EEA1: variants seen among roughly 807,000 people sequenced by gnomAD.
EEA1 encodes early endosome antigen 1, 162kD.
EEA1 carries 111 observed loss-of-function variants against 209.2 expected under a neutral mutation model. That is an observed-to-expected ratio of 0.53 (90% CI 0.45 to 0.62). EEA1 has a LOEUF of 0.62. EEA1 is among the 20% of genes least tolerant of loss of function. EEA1 has a pLI of 0.00. For missense variants in EEA1, 1,343 were observed against 1,530.8 expected (o/e 0.88, Z 2.05); for synonymous variants, 536 against 540.6 (o/e 0.99, Z 0.12).
chr12:92,866,087 G>A (rs1025134369), intron 2 of EEA1, among the ~76,000 whole-genome samples: 1 of 150,712 alleles, frequency 6.6e-6, no homozygotes, highest in African/African-American at 2.4e-5. Flanking sequence ...AGCTACTCAG[G>A]AGGCTGAAGT....
intron 3 of EEA1, among the ~76,000 whole-genome samples, chr12:92,863,776 T>C (rs903633985): frequency 6.6e-6 from 1 of 152,154 alleles, no homozygotes; most frequent in African/African-American, 2.4e-5. Context: ...CAGAGAATGG[T>C]AGGGCAGAAG....
chr12:92,900,050 T>C (rs1880083184), intron 1 of EEA1, among the ~76,000 whole-genome samples: 1 of 152,178 alleles, frequency 6.6e-6, no homozygotes, highest in South Asian at 2.1e-4. Context: ...ATTCCTAAAG[T>C]CTGTCACTGA....
intron 15 of EEA1, among the ~76,000 whole-genome samples, chr12:92,813,386 G>C (rs1387883028): frequency 6.6e-6 from 1 of 151,888 alleles, no homozygotes; most frequent in Non-Finnish European, 1.5e-5. Flanking sequence ...TCCAAAAAAG[G>C]CCACTGTATT....
At position 92,852,194 on chromosome 12, in the gene EEA1, T is replaced by C; in HGVS notation, c.623A>G (p.Gln208Arg). The change falls in exon 8 of 29, where the codon CAA (glutamine) becomes CGA (arginine). Residue 208 changes from glutamine to arginine, a missense_variant. Physicochemically the swap from Gln to Arg is conservative, Grantham distance 43. Transcript: ENST00000322349. ...AATTACCAGTTCCGTCTTCAGATCT[T>C]GAATTACAGTTGCCTCTTTGTTTAA... ...EELNKEATVIQDLKTELLQRP... is the reference protein window; with the variant it reads ...EELNKEATVIRDLKTELLQRP... The C allele has an allele frequency of 6.3e-7, 1 of 1,585,632 alleles. No individual in the cohort carries two copies. The highest frequency in any genetic ancestry group is 8.6e-7 in the Non-Finnish European group (1 of 1,168,240).
intron 1 of EEA1, among the ~76,000 whole-genome samples, chr12:92,897,931 T>G (rs1879960922): frequency 6.6e-6 from 1 of 152,246 alleles, no homozygotes; most frequent in African/African-American, 2.4e-5. Context: ...GCACACTTAA[T>G]AGACTACAGT....
At position 92,850,646 on chromosome 12, in the gene EEA1, C is replaced by T. The variant is rs184506728; in HGVS notation, c.798+465G>A. ...TGGATGTTGCAGTGAGCTGAGATCA[C>T]GCCACTGCACTCCAGCCTGGGTGAC... On this transcript the variant is annotated intron_variant, in intron 9 of 28. Coordinates refer to ENST00000322349, the MANE Select transcript of EEA1 (RefSeq NM_003566.4). Among the ~76,000 whole-genome samples the T allele has an allele frequency of 3.9e-3, 502 of 128,560 alleles. 8 individuals are homozygous for T. In the East Asian group the frequency reaches 0.077, roughly 20 times the overall value. The allele number at this position is 128,560 out of a possible 152,430, so 84.3% of individuals were successfully genotyped here.
Position 92,776,011 on chromosome 12 carries a change from T to C in EEA1, c.4236A>G (p.Ter1412=), listed in dbSNP as rs765463406. The C allele has an allele frequency of 4.3e-6, 7 of 1,610,184 alleles. No individual in the cohort carries two copies. In the African/African-American group the frequency reaches 5.4e-5, roughly 12 times the overall value. ...ATTACTCTGAAGTTGTGATAACCCA[T>C]TATCCTTGCAAGTCATTGAAACATG... ...CDACFNDLQG[*] The change falls in exon 29 of 29, where the codon TAA becomes TAG. Residue 1412 remains the stop codon, a stop_retained_variant. Coordinates refer to ENST00000322349, the MANE Select transcript of EEA1 (RefSeq NM_003566.4).
chr12:92,855,431 C>CAAAAAAA (rs56959398), intron 5 of EEA1, among the ~76,000 whole-genome samples: 1 of 96,184 alleles, frequency 1.0e-5, no homozygotes, highest in African/African-American at 3.9e-5. Flanking sequence ...GACTCTGTCT[C>CAAAAAAA]AAAAAAAAAA....
At chr12:92,817,829 C>G (rs1429025606) in intron 14 of EEA1, among the ~76,000 whole-genome samples, 1 of 152,110 alleles carries the variant, frequency 6.6e-6, no homozygotes, top group Non-Finnish European at 1.5e-5. Context: ...TTTTACACTT[C>G]GTAAGGTCAG....
chr12:92,899,897 T>C (rs527736322), intron 1 of EEA1, among the ~76,000 whole-genome samples: 12 of 152,318 alleles, frequency 7.9e-5, no homozygotes, highest in African/African-American at 2.9e-4. Flanking sequence ...CTTGGGTGTC[T>C]CCTCCAATGG....
At chr12:92,855,226 G>A (rs578111304) in intron 5 of EEA1, among the ~76,000 whole-genome samples, 3 of 152,248 alleles carry the variant, frequency 2.0e-5, no homozygotes, top group East Asian at 3.9e-4. Context: ...TCAGGAGATC[G>A]AGACCATCCT....
intron 1 of EEA1, among the ~76,000 whole-genome samples, chr12:92,915,493 A>C (rs1014325961): frequency 6.6e-6 from 1 of 151,994 alleles, no homozygotes; most frequent in Admixed American, 6.6e-5. Context: ...AACAAAACAA[A>C]AACAAAAAAA....
intron 21 of EEA1, among the ~76,000 whole-genome samples, chr12:92,791,836 C>T (rs1565809822): frequency 6.6e-6 from 1 of 152,202 alleles, no homozygotes; most frequent in African/African-American, 2.4e-5. Flanking sequence ...CTCAGCACCA[C>T]ATCACACTTA....
intron 1 of EEA1, among the ~76,000 whole-genome samples, chr12:92,911,937 G>A (rs1368941520): frequency 6.6e-6 from 1 of 152,208 alleles, no homozygotes; most frequent in Non-Finnish European, 1.5e-5. Context: ...AGTAATCAAT[G>A]AAAAACAATT....
chr12:92,779,723 CA>C (rs1419043634), intron 24 of EEA1, among the ~76,000 whole-genome samples: 183 of 152,004 alleles, frequency 1.2e-3, no homozygotes, highest in African/African-American at 4.2e-3. Context: ...AATTATAAAC[CA>C]AAATGAAAGT....
At chr12:92,779,086 A>G (rs1025834649) in intron 25 of EEA1, 29 bp downstream of exon 25, 2 of 1,572,836 alleles carry the variant, frequency 1.3e-6, no homozygotes, top group Non-Finnish European at 1.7e-6. Context: ...TCTACTGCAA[A>G]ACACACTTCC....
intron 2 of EEA1, among the ~76,000 whole-genome samples, chr12:92,878,618 C>G (rs1176892150): frequency 6.6e-6 from 1 of 151,800 alleles, no homozygotes; most frequent in African/African-American, 2.4e-5. Context: ...AAACTAAATC[C>G]AAAGTAAGTA....
At chr12:92,783,916 TA>T (rs59393966) in intron 22 of EEA1, among the ~76,000 whole-genome samples, 4,085 of 143,104 alleles carry the variant, frequency 0.029, 185 homozygotes, top group African/African-American at 0.093. Context: ...AAGTACTCAG[TA>T]AAAAAAAAAA....
intron 7 of EEA1, 117 bp downstream of exon 7, chr12:92,852,795 T>C: frequency 1.5e-6 from 1 of 651,012 alleles, no homozygotes; most frequent in Non-Finnish European, 2.6e-6. Flanking sequence ...TAATCACCAT[T>C]GGAAGTCTAT....
Sources: allele counts gnomAD v4.1 joint callset (sites outside exome capture counted in the v4.1 genomes callset), GRCh38; gene constraint gnomAD v4.1.1; transcripts MANE v1.5; gene names NCBI Gene and HGNC (gene_info 2026-07-23, HGNC 2026-07-21).